The following STK17A variants were observed in gnomAD, a reference collection of about 807,000 sequenced individuals.
STK17A encodes serine/threonine kinase 17a.
STK17A carries 26 observed loss-of-function variants against 43.7 expected under a neutral mutation model. The observed-to-expected ratio is 0.60, with a 90% confidence interval of 0.44 to 0.83. The LOEUF is 0.83. Among genes scored for constraint, STK17A ranks in the 40% least tolerant of loss-of-function variants. The pLI, the probability that STK17A is intolerant of heterozygous loss-of-function variation, is 0.00. For synonymous variants in STK17A, 191 were observed against 182.5 expected, an observed-to-expected ratio of 1.05 and a Z score of -0.38; for missense variants, 476 against 511.6, an observed-to-expected ratio of 0.93 and a Z score of 0.67.
intron 3 of STK17A, among the ~76,000 whole-genome samples, chr7:43,616,218 G>A (rs1263225895): frequency 6.6e-6 from 1 of 152,220 alleles, no homozygotes. Context: ...TATCGCCTGA[G>A]CACTTTGTAT....
intron 1 of STK17A, among the ~76,000 whole-genome samples, chr7:43,586,575 A>T (rs2082440755): frequency 6.6e-6 from 1 of 151,480 alleles, no homozygotes; most frequent in Non-Finnish European, 1.5e-5. Flanking sequence ...ACACAAGAGA[A>T]ATGACCTTGG....
intron 2 of STK17A, among the ~76,000 whole-genome samples, chr7:43,599,776 G>A (rs2082543709): frequency 6.6e-6 from 1 of 152,230 alleles, no homozygotes; most frequent in Non-Finnish European, 1.5e-5. Context: ...CTCAGTCCAA[G>A]TGCAAAGGCC....
intron 1 of STK17A, among the ~76,000 whole-genome samples, chr7:43,584,175 T>C (rs2082423455): frequency 6.6e-6 from 1 of 152,124 alleles, no homozygotes; most frequent in Non-Finnish European, 1.5e-5. Flanking sequence ...AAGTTGCAGG[T>C]GCAGGCTGTT....
chr7:43,616,585 G>C (rs2083365052), intron 3 of STK17A, among the ~76,000 whole-genome samples: 1 of 152,128 alleles, frequency 6.6e-6, no homozygotes, highest in Non-Finnish European at 1.5e-5. Context: ...TGGATAGAAG[G>C]TAAGACCCTT....
intron 1 of STK17A, among the ~76,000 whole-genome samples, chr7:43,585,444 A>G (rs376064775): frequency 6.6e-6 from 1 of 151,442 alleles, no homozygotes; most frequent in East Asian, 1.9e-4. Context: ...GTTTTTTTTT[A>G]AGATTGTGAT....
At chr7:43,587,144 A>ATTTTTTTTT (rs1418254954) in intron 1 of STK17A, among the ~76,000 whole-genome samples, 1 of 116,724 alleles carries the variant, frequency 8.6e-6, no homozygotes, top group Admixed American at 9.9e-5. Context: ...ATATGTTTTT[A>ATTTTTTTTT]TTGTTTTTTG....
At chr7:43,614,360 T>C (rs2083155920) in intron 3 of STK17A, among the ~76,000 whole-genome samples, 2 of 152,232 alleles carry the variant, frequency 1.3e-5, no homozygotes, top group African/African-American at 2.4e-5. Context: ...GGGATTCATA[T>C]ATTTTAAATA....
intron 1 of STK17A, among the ~76,000 whole-genome samples, chr7:43,583,883 A>G (rs777252821): frequency 1.3e-5 from 2 of 152,046 alleles, no homozygotes; most frequent in African/African-American, 2.4e-5. Flanking sequence ...GTTTTAATAA[A>G]ATACAGCATC....
chr7:43,599,349 T>C (rs1229225762), intron 2 of STK17A, among the ~76,000 whole-genome samples: 1 of 152,238 alleles, frequency 6.6e-6, no homozygotes, highest in African/African-American at 2.4e-5. Flanking sequence ...GCTGCACTTG[T>C]ATTTGGACAG....
At chr7:43,593,629 G>A (rs1304647943) in intron 1 of STK17A, among the ~76,000 whole-genome samples, 2 of 151,580 alleles carry the variant, frequency 1.3e-5, no homozygotes, top group African/African-American at 4.8e-5. Flanking sequence ...TTTCTCTGAT[G>A]ATTAGTGATG....
intron 3 of STK17A, chr7:43,608,636 A>G (rs2152973314): frequency 5.7e-6 from 2 of 352,814 alleles, no homozygotes; most frequent in Admixed American, 4.7e-5. Context: ...AACTCAAAAT[A>G]TGATAAGACA....
At chr7:43,602,721 T>G (rs2082564011) in intron 2 of STK17A, among the ~76,000 whole-genome samples, 1 of 152,248 alleles carries the variant, frequency 6.6e-6, no homozygotes, top group African/African-American at 2.4e-5. Flanking sequence ...CATTTATGTT[T>G]TATACATTTA....
chr7:43,624,758 G>C lies in STK17A; in HGVS notation c.1161G>C (p.Glu387Asp), dbSNP rs761249710. ...GACAATGCAGACAGTCTGAAAAAGA[G>C]AAAATGGAGCAAAAGGCCATTTCCA... The part of the protein sequence containing the change: ...TLGQCRQSEK[E>D]KMEQKAISKR... The change falls in exon 7 of 7, where the codon GAG (glutamate) becomes GAC (aspartate). Residue 387 changes from glutamate to aspartate, a missense_variant. Physicochemically the swap from Glu to Asp is conservative, Grantham distance 45 (BLOSUM62 2). Around this residue, in one of 3 missense-constraint regions of STK17A, gnomAD observed 110 missense variants for 103.7 expected, o/e 1.06. Coordinates refer to ENST00000319357, the MANE Select transcript of STK17A (RefSeq NM_004760.3). The C allele has an allele frequency of 1.2e-6, 2 of 1,613,552 alleles. No homozygotes were observed. Among genetic ancestry groups the C allele is most frequent in the Admixed American group, 1.7e-5 (1 of 59,980 alleles).
Position 43,627,178 on chromosome 7 carries a change from A to G in STK17A, c.*2336A>G, listed in dbSNP as rs2084649719. On this transcript the variant is annotated 3_prime_UTR_variant, in exon 7 of 7. Coordinates refer to ENST00000319357, the MANE Select transcript of STK17A (RefSeq NM_004760.3). ...TGAAACGTTGTTTATGAAATGTATA[A>G]AATGTATAAGTTTTAATCAACTGGG... is the stretch of plus-strand genomic sequence containing the variant. 6.6e-6 allele frequency among the ~76,000 whole-genome samples: 1 copy of G among 152,234 alleles called. No individual in the cohort carries two copies. Among genetic ancestry groups the G allele is most frequent in the Admixed American group, 6.5e-5 (1 of 15,284 alleles).
At chr7:43,593,857 A>G (rs1295491737) in intron 1 of STK17A, among the ~76,000 whole-genome samples, 1 of 152,108 alleles carries the variant, frequency 6.6e-6, no homozygotes, top group Non-Finnish European at 1.5e-5. Context: ...TTTAGCAATC[A>G]TTTTTAAAAT....
At chr7:43,620,877 C>T (rs1327992342) in intron 4 of STK17A, among the ~76,000 whole-genome samples, 2 of 151,934 alleles carry the variant, frequency 1.3e-5, no homozygotes, top group Non-Finnish European at 2.9e-5. Flanking sequence ...GGAGGGCGGC[C>T]GTGGCAGGAA....
intron 4 of STK17A, among the ~76,000 whole-genome samples, chr7:43,620,594 A>G (rs2083781192): frequency 6.6e-6 from 1 of 152,066 alleles, no homozygotes; most frequent in Non-Finnish European, 1.5e-5. Context: ...GAATGGCGTG[A>G]ACCTGGGAGG....
intron 2 of STK17A, among the ~76,000 whole-genome samples, chr7:43,602,209 A>G (rs1031271789): frequency 6.6e-6 from 1 of 152,142 alleles, no homozygotes; most frequent in Non-Finnish European, 1.5e-5. Flanking sequence ...AACCTCTTCT[A>G]GAGTTTCAGT....
Position 43,583,397 on chromosome 7 carries a change from A to G in STK17A, c.154A>G (p.Thr52Ala). ...GACAGAGATACGCGCCGTGGTGCGC[A>G]CCGAGCCCTTCCAGGACGGCTACAG... ...LLTEIRAVVR[T>A]EPFQDGYSLC... The change falls in exon 1 of 7, where the codon ACC (threonine) becomes GCC (alanine). Residue 52 changes from threonine (T) to alanine (A), a missense_variant. By Grantham distance (58) the Thr-to-Ala change is moderately conservative. Around this residue, in one of 3 missense-constraint regions of STK17A, gnomAD observed 320 missense variants for 326.3 expected, o/e 0.98. Coordinates refer to ENST00000319357, the MANE Select transcript of STK17A (RefSeq NM_004760.3). 1 of 1,441,112 alleles carries G rather than the reference A, an allele frequency of 6.9e-7. No individual in the cohort carries two copies. The allele number at this position is 1,441,112 out of a possible 1,614,324, so 89.3% of individuals were successfully genotyped here.
Sources: allele counts gnomAD v4.1 joint callset (sites outside exome capture counted in the v4.1 genomes callset), GRCh38; gene constraint gnomAD v4.1.1; regional missense constraint gnomAD v4.1.1; transcripts MANE v1.5; gene names NCBI Gene and HGNC (gene_info 2026-07-23, HGNC 2026-07-21).